Variants in NRL observed in about 807,000 individuals in gnomAD.
The protein encoded by NRL is neural retina leucine zipper, also known as neural retina-specific leucine zipper protein.
NRL carries 16 observed loss-of-function variants against 12.5 expected under a neutral mutation model. The ratio of observed to expected loss-of-function variants is 1.28; its 90% confidence interval spans 0.87 to 1.95. The LOEUF is 1.95. Ranked by LOEUF, NRL falls within the 30% of genes most tolerant of loss-of-function variation. The pLI is 0.00. For synonymous variants in NRL, 142 were observed against 150.9 expected, an observed-to-expected ratio of 0.94 and a Z score of 0.43; for missense variants, 314 against 325.8, an observed-to-expected ratio of 0.96 and a Z score of 0.28.
In NRL at chr14:24,081,593, G is replaced by C. The variant is rs115991711; in HGVS notation, c.382-25C>G. On this transcript the variant is annotated intron_variant, in intron 2 of 2. Coordinates refer to ENST00000561028, the MANE Select transcript of NRL (RefSeq NM_001354768.3). The surrounding 1 kb of genome is among the most constrained non-coding windows in gnomAD (Gnocchi z 4.4). ...GCTGCGGAGGGAGAATGCAGAAACC[G>C]GGTCAGCGCCAGGTCGCACCCGGCT... 5.7e-3 allele frequency: 8,888 copies of C among 1,570,876 alleles called. 364 individuals are homozygous for C. In the African/African-American group the frequency reaches 0.093, roughly 17 times the overall value.
chr14:24,084,813 C>T, intron 1 of NRL: 1 of 663,100 alleles, frequency 1.5e-6, no homozygotes, highest in Non-Finnish European at 1.9e-6. Context: ...GGAAAGGGAG[C>T]ATCTTCCCCA....
chr14:24,102,850 C>G (rs747603045), intron 1 of NRL: 4 of 1,613,930 alleles, frequency 2.5e-6, no homozygotes, highest in Non-Finnish European at 3.4e-6. Flanking sequence ...CAGAGGGTGT[C>G]CCCATTGACG....
chr14:24,089,907 G>A (rs1011751510), intron 1 of NRL, among the ~76,000 whole-genome samples: 4 of 152,154 alleles, frequency 2.6e-5, no homozygotes, highest in African/African-American at 4.8e-5. Context: ...TCACAAAACT[G>A]AGAAAAGATC....
At chr14:24,104,751 A>G (rs1419443546) in intron 1 of NRL, among the ~76,000 whole-genome samples, 2 of 152,144 alleles carry the variant, frequency 1.3e-5, no homozygotes, top group African/African-American at 4.8e-5. Context: ...AGATTGCAGA[A>G]GCCTCTACAA....
Position 24,085,331 on chromosome 14 carries a change from G to A in NRL, c.-27-2456C>T, listed in dbSNP as rs1287442501. Among the ~76,000 whole-genome samples, 5 of 152,166 alleles carry A rather than the reference G, an allele frequency of 3.3e-5. No homozygotes were observed. The highest frequency in any genetic ancestry group is 1.2e-4 in the African/African-American group (5 of 41,436). On this transcript the variant is annotated intron_variant, in intron 1 of 2. Transcript: ENST00000561028. The surrounding 1 kb of genome is among the most constrained non-coding windows in gnomAD (Gnocchi z 4.1). ...ATTGAAATCTAATCACCACCAGTCC[G>A]TCGGAGACACTTTTGTAACTGGCCT...
intron 1 of NRL, among the ~76,000 whole-genome samples, chr14:24,086,040 A>C (rs2036457434): frequency 6.6e-6 from 1 of 152,182 alleles, no homozygotes; most frequent in African/African-American, 2.4e-5. Flanking sequence ...AACATGGTGA[A>C]ACCCCATCTC....
chr14:24,101,477 C>T lies in NRL; in HGVS notation c.-28+13245G>A, dbSNP rs143943855. 7.2e-5 allele frequency among the ~76,000 whole-genome samples: 11 copies of T among 152,320 alleles called. No individual in the cohort carries two copies. The East Asian group carries it at 2.1e-3, about 29-fold the overall frequency. On this transcript the variant is annotated intron_variant, in intron 1 of 2. Transcript: ENST00000561028. ...ACATGTGCCACTGACTTAGTCCCAA[C>T]CCCCCTCCAGGACACCTGAAGGTGC...
chr14:24,106,410 G>A (rs192105381), intron 1 of NRL, among the ~76,000 whole-genome samples: 74 of 152,330 alleles, frequency 4.9e-4, no homozygotes, highest in Admixed American at 1.1e-3. Context: ...ACAGAGGTTA[G>A]AACAAAGTTA....
chr14:24,101,572 A>G (rs2037163093), intron 1 of NRL, among the ~76,000 whole-genome samples: 2 of 152,156 alleles, frequency 1.3e-5, no homozygotes, highest in Non-Finnish European at 2.9e-5. Context: ...TTCCAGCCCT[A>G]TCACTTCATC....
chr14:24,094,482 G>GC lies in NRL; in HGVS notation c.-27-11608dup, dbSNP rs1351714325. On this transcript the variant is annotated intron_variant, in intron 1 of 2. Transcript: ENST00000561028. This position sits in a 1 kb window ranked among gnomAD's most constrained non-coding sequence, Gnocchi z 4.1. ...CCCACCCGCACCTTCCGCTGCGCTC[G>GC]CCCCCTCGGGGCTGCCAGTGGCGCT... The GC allele has an allele frequency of 6.7e-7, 1 of 1,486,822 alleles. No individual in the cohort carries two copies. The highest frequency in any genetic ancestry group is 8.9e-7 in the Non-Finnish European group (1 of 1,125,732). The allele number at this position is 1,486,822 out of a possible 1,614,324, so 92.1% of individuals were successfully genotyped here.
At chr14:24,084,402 G>A (rs775615638) in intron 1 of NRL, 5 of 260,644 alleles carry the variant, frequency 1.9e-5, no homozygotes, top group Non-Finnish European at 2.4e-5. Context: ...GTCAGGGTGG[G>A]AGTGGAGTAG....
intron 1 of NRL, among the ~76,000 whole-genome samples, chr14:24,092,119 C>G (rs1162839509): frequency 6.6e-6 from 1 of 152,216 alleles, no homozygotes; most frequent in Non-Finnish European, 1.5e-5. Flanking sequence ...CTGGCACCTA[C>G]TGTCCATAGC....
intron 1 of NRL, chr14:24,102,619 T>G (rs2037205029): frequency 1.4e-6 from 1 of 725,462 alleles, no homozygotes; most frequent in East Asian, 2.5e-5. Flanking sequence ...TCTCTGCTCC[T>G]TATCACACAA....
intron 1 of NRL, chr14:24,099,216 T>C (rs1448614756): frequency 6.3e-7 from 1 of 1,597,780 alleles, no homozygotes; most frequent in African/African-American, 1.3e-5. Flanking sequence ...GGATGAGGGC[T>C]GGCTGGCAGA....
At chr14:24,111,662 C>T (rs1160885245) in intron 1 of NRL, among the ~76,000 whole-genome samples, 3 of 152,210 alleles carry the variant, frequency 2.0e-5, no homozygotes, top group South Asian at 2.1e-4. Flanking sequence ...CCACCGCGCC[C>T]GGCCAATTTT....
chr14:24,084,064 C>T (rs1226509966), intron 1 of NRL, among the ~76,000 whole-genome samples: 3 of 152,184 alleles, frequency 2.0e-5, no homozygotes, highest in Non-Finnish European at 4.4e-5. Flanking sequence ...AGGGCTTAGA[C>T]TTCGGCTCCT....
chr14:24,078,794 C>G lies in NRL; in HGVS notation c.*2442G>C, dbSNP rs941382339. On this transcript the variant is annotated 3_prime_UTR_variant, in exon 3 of 3. Transcript: ENST00000561028. The stretch of plus-strand genomic sequence containing the variant: ...GGCTTGATTTTAACCCACCCATGGT[C>G]AAAAAACTGGTAGAACTGCAACTTG... Among the ~76,000 whole-genome samples the G allele has an allele frequency of 1.3e-5, 2 of 152,076 alleles. No homozygotes were observed. Among genetic ancestry groups the G allele is most frequent in the Non-Finnish European group, 2.9e-5 (2 of 68,014 alleles).
chr14:24,098,248 C>G, intron 1 of NRL: 1 of 1,613,922 alleles, frequency 6.2e-7, no homozygotes, highest in Non-Finnish European at 8.5e-7. Flanking sequence ...GAGTAGAGAG[C>G]AAGACGGTGA....
In NRL at chr14:24,082,872, G is replaced by A. The variant is rs2036364206; in HGVS notation, c.-24C>T. 6.2e-7 allele frequency: 1 copy of A among 1,602,900 alleles called. No homozygotes were observed. The highest frequency in any genetic ancestry group is 1.3e-5 in the African/African-American group (1 of 74,826). ...ATTCTGGAGCTGGGCTGGGAGGAGT[G>A]CACCTGCAAAGAGGAGGAGAGGTCT... On this transcript the variant is annotated 5_prime_UTR_variant, in exon 2 of 3. Coordinates refer to ENST00000561028, the MANE Select transcript of NRL (RefSeq NM_001354768.3).
Sources: allele counts gnomAD v4.1 joint callset (sites outside exome capture counted in the v4.1 genomes callset), GRCh38; gene constraint gnomAD v4.1.1; non-coding constraint Gnocchi (gnomAD v3.1); transcripts MANE v1.5; gene names NCBI Gene and HGNC (gene_info 2026-07-23, HGNC 2026-07-21).